Variants in SORCS1 observed in about 807,000 individuals in gnomAD.
The protein encoded by SORCS1 is VPS10 domain-containing receptor SorCS1.
SORCS1 carries 60 observed loss-of-function variants against 146.1 expected under a neutral mutation model. That is an observed-to-expected ratio of 0.41 (90% CI 0.33 to 0.51). The LOEUF (loss-of-function observed/expected upper bound fraction) is 0.51, where lower values mean the gene tolerates loss of function less well. Ranked by LOEUF, SORCS1 falls within the 20% of genes least tolerant of loss-of-function variation. The probability of loss-of-function intolerance (pLI) is 0.21; values close to 1 mark genes in which losing one functional copy is unlikely to be tolerated. For synonymous variants in SORCS1, 637 were observed against 584.0 expected (o/e 1.09, Z -1.31); for missense variants, 1,352 against 1,487.6 (o/e 0.91, Z 1.50).
intron 3 of SORCS1, among the ~76,000 whole-genome samples, chr10:106,824,798 T>A (rs1402602767): frequency 2.6e-5 from 4 of 152,186 alleles, no homozygotes; most frequent in Non-Finnish European, 5.9e-5. Flanking sequence ...CCCGTAGGAA[T>A]GACCAATGTA....
chr10:106,636,356 T>C (rs1848722008), intron 18 of SORCS1, among the ~76,000 whole-genome samples: 1 of 152,206 alleles, frequency 6.6e-6, no homozygotes, highest in Admixed American at 6.5e-5. Flanking sequence ...TTTGAAAGTT[T>C]ACTGTGTCAG....
At chr10:106,650,258 A>C (rs1330817531) in intron 18 of SORCS1, among the ~76,000 whole-genome samples, 2 of 152,190 alleles carry the variant, frequency 1.3e-5, no homozygotes, top group Non-Finnish European at 2.9e-5. Flanking sequence ...TCAGAGACTG[A>C]AGTGATTTCA....
intron 2 of SORCS1, among the ~76,000 whole-genome samples, chr10:106,869,888 G>C (rs1397504676): frequency 6.6e-6 from 1 of 152,180 alleles, no homozygotes; most frequent in Non-Finnish European, 1.5e-5. Context: ...AATAGGAAAA[G>C]AGGGAGTCAA....
chr10:106,737,124 GA>G (rs889233588), intron 5 of SORCS1, among the ~76,000 whole-genome samples: 3 of 152,102 alleles, frequency 2.0e-5, no homozygotes, highest in Admixed American at 6.6e-5. Context: ...CTGGAATGAA[GA>G]AATACATAAA....
intron 3 of SORCS1, among the ~76,000 whole-genome samples, chr10:106,807,618 G>A (rs1572456): frequency 1.3e-5 from 2 of 152,052 alleles, no homozygotes; most frequent in Non-Finnish European, 2.9e-5. Flanking sequence ...TTCTGCAAAA[G>A]GTAGTAATAT....
chr10:107,032,268 G>A (rs1396769593), intron 1 of SORCS1, among the ~76,000 whole-genome samples: 2 of 151,868 alleles, frequency 1.3e-5, no homozygotes, highest in Non-Finnish European at 2.9e-5. Context: ...GCAAGAAAGG[G>A]CAAAAAAGGG....
chr10:106,921,667 C>A (rs76587122), intron 2 of SORCS1, among the ~76,000 whole-genome samples: 1 of 152,128 alleles, frequency 6.6e-6, no homozygotes, highest in Non-Finnish European at 1.5e-5. Context: ...GCCTTGGAAC[C>A]ATGACATCCA....
At chr10:107,007,384 G>A (rs1046141646) in intron 1 of SORCS1, among the ~76,000 whole-genome samples, 1 of 152,166 alleles carries the variant, frequency 6.6e-6, no homozygotes, top group Non-Finnish European at 1.5e-5. Context: ...AAACCGAGCT[G>A]CCATGCTGTG....
chr10:106,947,052 A>G (rs1339542709), intron 2 of SORCS1, among the ~76,000 whole-genome samples: 2 of 152,214 alleles, frequency 1.3e-5, no homozygotes, highest in African/African-American at 4.8e-5. Context: ...TGAAAAGATG[A>G]TCACCATCAC....
chr10:106,763,531 G>A (rs376830037), intron 4 of SORCS1, among the ~76,000 whole-genome samples: 21 of 152,264 alleles, frequency 1.4e-4, no homozygotes, highest in African/African-American at 4.6e-4. Context: ...GTAACTTTCG[G>A]TCCTGGTGGG....
chr10:106,638,648 C>T (rs942925835), intron 18 of SORCS1, among the ~76,000 whole-genome samples: 1 of 152,136 alleles, frequency 6.6e-6, no homozygotes, highest in Non-Finnish European at 1.5e-5. Flanking sequence ...TGGTGGTCTT[C>T]ACCAAGTCAT....
At chr10:107,064,392 C>T (rs1961540802) in intron 1 of SORCS1, among the ~76,000 whole-genome samples, 1 of 152,108 alleles carries the variant, frequency 6.6e-6, no homozygotes, top group East Asian at 1.9e-4. Context: ...CTTTTCCTAC[C>T]CGGGGGAAAT....
Position 106,956,441 on chromosome 10 carries a change from G to C in SORCS1, c.626+72C>G. 7 of 1,392,742 alleles carry C rather than the reference G, an allele frequency of 5.0e-6. No individual in the cohort carries two copies. In the South Asian group the frequency reaches 7.2e-5, roughly 14 times the overall value. 86.3% of individuals were successfully genotyped at this position (1,392,742 alleles called of 1,614,324 possible). A position where few individuals can be genotyped will look rare whatever the true frequency, so the allele number is the denominator to read the frequency against. On this transcript the variant is annotated intron_variant, in intron 2 of 25. Coordinates refer to ENST00000263054, the MANE Select transcript of SORCS1 (RefSeq NM_052918.5). ...CCAGGAACCTTCCTGCCAGGAAAAAGTGGGTGGGACAGCAGTAGCAGGCAT... is the reference window on the plus strand; with the variant it reads ...CCAGGAACCTTCCTGCCAGGAAAAACTGGGTGGGACAGCAGTAGCAGGCAT...
chr10:106,756,734 A>G (rs1367706082), intron 5 of SORCS1, among the ~76,000 whole-genome samples: 1 of 152,222 alleles, frequency 6.6e-6, no homozygotes, highest in Non-Finnish European at 1.5e-5. Context: ...GTTCTTTTAG[A>G]TAAACATAGA....
chr10:107,011,915 T>TTTATA (rs1258930315), intron 1 of SORCS1, among the ~76,000 whole-genome samples: 1 of 152,220 alleles, frequency 6.6e-6, no homozygotes, highest in Non-Finnish European at 1.5e-5. Context: ...ATATCACAAT[T>TTTATA]TTATATTTGT....
chr10:107,146,601 A>G (rs1165902827), intron 1 of SORCS1, among the ~76,000 whole-genome samples: 1 of 152,126 alleles, frequency 6.6e-6, no homozygotes, highest in African/African-American at 2.4e-5. Context: ...ATTAACAATC[A>G]CTAAATACAG....
At chr10:106,788,495 T>C (rs970042353) in intron 3 of SORCS1, among the ~76,000 whole-genome samples, 2 of 152,174 alleles carry the variant, frequency 1.3e-5, no homozygotes, top group Non-Finnish European at 2.9e-5. Context: ...GGTACAGGTA[T>C]TGGGTAAATG....
At chr10:106,702,810 C>G (rs1854228832) in intron 8 of SORCS1, among the ~76,000 whole-genome samples, 1 of 152,018 alleles carries the variant, frequency 6.6e-6, no homozygotes, top group Non-Finnish European at 1.5e-5. Flanking sequence ...ATGCTTTAAC[C>G]GAATCACAGA....
intron 4 of SORCS1, among the ~76,000 whole-genome samples, chr10:106,767,487 T>A (rs1460048598): frequency 6.6e-6 from 1 of 152,026 alleles, no homozygotes; most frequent in Non-Finnish European, 1.5e-5. Flanking sequence ...TCTTATATAT[T>A]TATTTATTTA....
Sources: allele counts gnomAD v4.1 joint callset (sites outside exome capture counted in the v4.1 genomes callset), GRCh38; gene constraint gnomAD v4.1.1; transcripts MANE v1.5; gene names NCBI Gene and HGNC (gene_info 2026-07-23, HGNC 2026-07-21).